Variants in NOBOX observed in about 807,000 individuals in gnomAD.
The protein encoded by NOBOX is NOBOX oogenesis homeobox.
Under a neutral mutation model 60.2 loss-of-function variants are expected in NOBOX, and 46 were observed. The ratio of observed to expected loss-of-function variants is 0.76; its 90% CI spans 0.60 to 0.98. The LOEUF is 0.98. Among genes scored for constraint, NOBOX ranks in the 50% least tolerant of loss-of-function variants. NOBOX has a pLI of 0.00. For missense variants in NOBOX, 880 were observed against 865.5 expected, an observed-to-expected ratio of 1.02 and a Z score of -0.21; for synonymous variants, 360 against 346.3, an observed-to-expected ratio of 1.04 and a Z score of -0.44.
At position 144,397,356 on chromosome 7, in the gene NOBOX, GTCTGGCCCCTTCAGGCA is replaced by G; in HGVS notation, c.1943_1959del (p.Met648ThrfsTer32). On this transcript the variant is annotated frameshift_variant, in exon 10 of 10. Coordinates refer to ENST00000467773, the MANE Select transcript of NOBOX (RefSeq NM_001080413.3). LOFTEE classifies it low-confidence loss of function (END_TRUNC). ...TTGCTGAGTAAGGGCCCAGTCCCTG[GTCTGGCCCCTTCAGGCA>G]TCCATGAGAGAGCTGACGAAGGCTG... is the stretch of plus-strand genomic sequence containing the variant. The G allele has an allele frequency of 6.5e-7, 1 of 1,537,286 alleles. No individual in the cohort carries two copies. Among genetic ancestry groups the G allele is most frequent in the Non-Finnish European group, 8.7e-7 (1 of 1,146,906 alleles).
Position 144,401,903 on chromosome 7 carries a change from T to A in NOBOX, c.258A>T (p.Ile86=). The A allele has an allele frequency of 6.2e-7, 1 of 1,612,676 alleles. No homozygotes were observed. The highest frequency in any genetic ancestry group is 8.5e-7 in the Non-Finnish European group (1 of 1,178,914). Residue 86 remains isoleucine (I), a synonymous_variant, in exon 3 of 10, where the codon ATA becomes ATT. Transcript: ENST00000467773. The surrounding 1 kb of genome is among the most constrained non-coding windows in gnomAD (Gnocchi z 4.2). ...GTTCCCTTTTCCCAGACACCAGGGG[T>A]ATGAGTTTGAGGGACTGTTCAGGTA...
intron 9 of NOBOX, among the ~76,000 whole-genome samples, chr7:144,398,009 A>G (rs2053905838): frequency 1.3e-5 from 2 of 152,202 alleles, no homozygotes; most frequent in African/African-American, 4.8e-5. Context: ...TCAGAGTCCC[A>G]GAAACTGAGA....
rs1386451996 is a variant in NOBOX at position 144,398,436 on chromosome 7, A to G, written c.1620T>C (p.Thr540=). ...GTGAACTGGGCATGGAGAAGGGGAAAGTGGGGAGGTAGGGCAACTTGGGCT... is the reference window on the plus strand; with the variant it reads ...GTGAACTGGGCATGGAGAAGGGGAAGGTGGGGAGGTAGGGCAACTTGGGCT... The change falls in exon 9 of 10, where the codon ACT becomes ACC. Residue 540 remains threonine, a synonymous_variant. Transcript: ENST00000467773. 1 of 1,537,078 alleles carries G rather than the reference A, an allele frequency of 6.5e-7. No individual in the cohort carries two copies. The highest frequency in any genetic ancestry group is 1.4e-5 in the African/African-American group (1 of 73,034).
chr7:144,409,024 A>G (rs887918892), intron 1 of NOBOX, among the ~76,000 whole-genome samples: 2 of 152,224 alleles, frequency 1.3e-5, no homozygotes, highest in South Asian at 2.1e-4. Context: ...GGGAAAGTGT[A>G]TATGGAATCC....
chr7:144,402,659 A>G (rs1265309936), intron 2 of NOBOX, among the ~76,000 whole-genome samples: 1 of 151,876 alleles, frequency 6.6e-6, no homozygotes, highest in Non-Finnish European at 1.5e-5. Flanking sequence ...TTCCAACTAA[A>G]TTGGAACATT....
Position 144,401,936 on chromosome 7 carries a change from G to A in NOBOX, c.225C>T (p.Pro75=), listed in dbSNP as rs758352566. 1.9e-6 allele frequency: 3 copies of A among 1,612,318 alleles called. No homozygotes were observed. Among genetic ancestry groups the A allele is most frequent in the Non-Finnish European group, 2.5e-6 (3 of 1,178,538 alleles). Residue 75 remains proline (P), a synonymous_variant, in exon 3 of 10, where the codon CCC becomes CCT. Coordinates refer to ENST00000467773, the MANE Select transcript of NOBOX (RefSeq NM_001080413.3). This position sits in a 1 kb window ranked among gnomAD's most constrained non-coding sequence, Gnocchi z 4.2. ...TGAGGGACTGTTCAGGTATCTCTAA[G>A]GGATCATGTTGGGGCTGCGGATGGA...
In NOBOX at chr7:144,399,061, A is replaced by T; in HGVS notation, c.1358T>A (p.Leu453His). Residue 453 changes from leucine (L) to histidine (H), a missense_variant, in exon 8 of 10, where the codon CTT becomes CAT. Transcript: ENST00000467773. ...GTGGACAGGGCCAAGGGGGAAAGGA[A>T]GATCGGCCCTTCGCACAGGTGGGGG... is the stretch of plus-strand genomic sequence containing the variant. The T allele has an allele frequency of 6.6e-7, 1 of 1,518,760 alleles. No homozygotes were observed. The highest frequency in any genetic ancestry group is 9.1e-7 in the Non-Finnish European group (1 of 1,099,994). 94.1% of individuals were successfully genotyped at this position (1,518,760 alleles called of 1,614,324 possible). A position where few individuals can be genotyped will look rare whatever the true frequency, so the allele number is the denominator to read the frequency against.
At position 144,399,096 on chromosome 7, in the gene NOBOX, TGG is replaced by T; in HGVS notation, c.1321_1322del (p.Pro441ThrfsTer35). On this transcript the variant is annotated frameshift_variant, in exon 8 of 10. Transcript: ENST00000467773. LOFTEE classifies it high-confidence loss of function. The stretch of plus-strand genomic sequence containing the variant: ...TTCGCACAGGTGGGGGGCTGAAGAG[TGG>T]GGGGGTCACCACCCTCTGAGCACCC... The T allele has an allele frequency of 2.1e-5, 17 of 805,794 alleles. No homozygotes were observed. The highest frequency in any genetic ancestry group is 3.0e-5 in the Non-Finnish European group (16 of 534,452). The allele number at this position is 805,794 out of a possible 1,614,324, so 49.9% of individuals were successfully genotyped here. A position where few individuals can be genotyped will look rare whatever the true frequency, so the allele number is the denominator to read the frequency against.
Position 144,401,622 on chromosome 7 carries a change from C to T in NOBOX, c.293-25G>A. Reference sequence around the variant, plus strand: ...CCTGTGGGGAGCCAACATCCACTGACCTTAGCACCAGGGAGAAGGAAGAAC... The same window carrying T: ...CCTGTGGGGAGCCAACATCCACTGATCTTAGCACCAGGGAGAAGGAAGAAC... On this transcript the variant is annotated intron_variant, in intron 3 of 9. Coordinates refer to ENST00000467773, the MANE Select transcript of NOBOX (RefSeq NM_001080413.3). The surrounding 1 kb of genome is among the most constrained non-coding windows in gnomAD (Gnocchi z 4.2). The T allele has an allele frequency of 6.7e-7, 1 of 1,499,790 alleles. No individual in the cohort carries two copies. Among genetic ancestry groups the T allele is most frequent in the African/African-American group, 1.4e-5 (1 of 71,716 alleles). The allele number at this position is 1,499,790 out of a possible 1,614,324, so 92.9% of individuals were successfully genotyped here. A position where few individuals can be genotyped will look rare whatever the true frequency, so the allele number is the denominator to read the frequency against.
chr7:144,407,257 G>A (rs934414453), intron 1 of NOBOX, among the ~76,000 whole-genome samples: 1 of 152,092 alleles, frequency 6.6e-6, no homozygotes, highest in African/African-American at 2.4e-5. Flanking sequence ...AGAAGAAGGC[G>A]GCTGATTGAG....
At chr7:144,405,958 A>T (rs1319426136) in intron 1 of NOBOX, among the ~76,000 whole-genome samples, 8 of 152,152 alleles carry the variant, frequency 5.3e-5, no homozygotes, top group Non-Finnish European at 1.0e-4. Context: ...AAGGGATGGT[A>T]GGGGCCTGTG....
rs760002410 is a variant in NOBOX, at chr7:144,401,524, A to T, written c.366T>A (p.His122Gln). 6.6e-7 allele frequency: 1 copy of T among 1,520,500 alleles called. No homozygotes were observed. Among genetic ancestry groups the T allele is most frequent in the Non-Finnish European group, 8.8e-7 (1 of 1,138,794 alleles). 94.2% of individuals were successfully genotyped at this position (1,520,500 alleles called of 1,614,324 possible). A position where few individuals can be genotyped will look rare whatever the true frequency, so the allele number is the denominator to read the frequency against. Residue 122 changes from histidine to glutamine, a missense_variant, in exon 4 of 10, where the codon CAT (histidine) becomes CAA (glutamine). By Grantham distance (24) the His-to-Gln change is conservative. Transcript: ENST00000467773. This position sits in a 1 kb window ranked among gnomAD's most constrained non-coding sequence, Gnocchi z 4.2. The stretch of plus-strand genomic sequence containing the variant: ...GTTCCTCACTCTGAGTGTCCTGAGC[A>T]TGAGGGGCTGAGCCCCGGAGCAGTT...
chr7:144,399,096 T>TG lies in NOBOX; in HGVS notation c.1322dup (p.Leu442ThrfsTer35), dbSNP rs753934412. 4.5e-5 allele frequency: 36 copies of TG among 805,782 alleles called. No homozygotes were observed. The highest frequency in any genetic ancestry group is 1.2e-4 in the Admixed American group (5 of 40,764). The allele number at this position is 805,782 out of a possible 1,614,324, so 49.9% of individuals were successfully genotyped here. ...TTCGCACAGGTGGGGGGCTGAAGAGTGGGGGGGTCACCACCCTCTGAGCAC... is the reference window on the plus strand; with the variant it reads ...TTCGCACAGGTGGGGGGCTGAAGAGTGGGGGGGGTCACCACCCTCTGAGCAC... On this transcript the variant is annotated frameshift_variant, in exon 8 of 10. Transcript: ENST00000467773. LOFTEE classifies it high-confidence loss of function.
In NOBOX at chr7:144,399,397, C is replaced by G. The variant is rs1443108682; in HGVS notation, c.1240G>C (p.Glu414Gln). The G allele has an allele frequency of 6.3e-7, 1 of 1,575,324 alleles. No individual in the cohort carries two copies. Among genetic ancestry groups the G allele is most frequent in the Non-Finnish European group, 8.6e-7 (1 of 1,158,944 alleles). The change falls in exon 7 of 10, where the codon GAG becomes CAG. Residue 414 changes from glutamate to glutamine, a missense_variant and splice_region_variant. Glu to Gln is a conservative substitution (Grantham distance 29). Transcript: ENST00000467773. ...CCCAGCTCTGAAGGTGGGAACTCAC[C>G]TGGAAAGGTATCCAGAGGGGACTCC...
In NOBOX at chr7:144,401,328, G is replaced by T. The variant is rs2053937152; in HGVS notation, c.562C>A (p.Pro188Thr). The stretch of plus-strand genomic sequence containing the variant: ...TTTCCTATCTTCACCTCTCCCACTG[G>T]GAGGGAACAATCTTCCCCCTGAGTC... The change falls in exon 4 of 10, where the codon CCA (proline) becomes ACA (threonine). Residue 188 changes from proline to threonine, a missense_variant. Coordinates refer to ENST00000467773, the MANE Select transcript of NOBOX (RefSeq NM_001080413.3). The surrounding 1 kb of genome is among the most constrained non-coding windows in gnomAD (Gnocchi z 4.2). 1 of 1,613,582 alleles carries T rather than the reference G, an allele frequency of 6.2e-7. No individual in the cohort carries two copies. The highest frequency in any genetic ancestry group is 1.3e-5 in the African/African-American group (1 of 74,928).
At chr7:144,408,399 C>T (rs2054000336) in intron 1 of NOBOX, among the ~76,000 whole-genome samples, 1 of 152,154 alleles carries the variant, frequency 6.6e-6, no homozygotes, top group African/African-American at 2.4e-5. Context: ...TACATCACTG[C>T]ATACAGGCTG....
intron 1 of NOBOX, among the ~76,000 whole-genome samples, chr7:144,405,229 T>TG (rs1423841647): frequency 6.6e-6 from 1 of 152,196 alleles, no homozygotes; most frequent in Non-Finnish European, 1.5e-5. Flanking sequence ...TTCAGATAGA[T>TG]GGGGCCCAGT....
At position 144,404,583 on chromosome 7, in the gene NOBOX, G is replaced by A. The variant is rs762791118; in HGVS notation, c.183C>T (p.Ser61=). 1.2e-6 allele frequency: 2 copies of A among 1,613,610 alleles called. No individual in the cohort carries two copies. Among genetic ancestry groups the A allele is most frequent in the Non-Finnish European group, 1.7e-6 (2 of 1,179,822 alleles). ...ATTTGAGGGTCTCCAGAGCACAAAG[G>A]CTGCACCGGATGATGAAGAAGGAGC... is the stretch of plus-strand genomic sequence containing the variant. Residue 61 remains serine, a synonymous_variant, in exon 2 of 10, where the codon AGC becomes AGT. Transcript: ENST00000467773.
intron 8 of NOBOX, 61 bp from the exon 7 acceptor site, chr7:144,398,647 A>C (rs2053912366): frequency 8.1e-7 from 1 of 1,230,246 alleles, no homozygotes; most frequent in Non-Finnish European, 1.1e-6. Context: ...CGTTCCTACC[A>C]CAGTAGCGGA....
Sources: gnomAD v4.1 joint callset for allele counts (sites outside exome capture counted in the v4.1 genomes callset) on GRCh38, gnomAD v4.1.1 for gene constraint, Gnocchi (gnomAD v3.1) non-coding constraint, MANE v1.5 for transcripts, NCBI Gene and HGNC (gene_info 2026-07-23, HGNC 2026-07-21) for gene names.